PPP1R12A: variants seen among roughly 807,000 people sequenced by gnomAD.
PPP1R12A encodes the protein protein phosphatase 1 regulatory subunit 12A.
A neutral mutation model predicts 139.6 loss-of-function variants in PPP1R12A; 19 were observed. The ratio of observed to expected loss-of-function variants is 0.14; its 90% CI spans 0.09 to 0.20. The LOEUF (loss-of-function observed/expected upper bound fraction) is 0.20, where lower values mean the gene tolerates loss of function less well. Ranked by LOEUF, PPP1R12A falls within the 10% of genes least tolerant of loss-of-function variation. PPP1R12A has a pLI of 1.00. For missense variants in PPP1R12A, 925 were observed against 1,211.5 expected (o/e 0.76, Z 3.51); for synonymous variants, 427 against 420.6 (o/e 1.02, Z -0.19).
chr12:79,845,696 C>T (rs1163888799), intron 2 of PPP1R12A, among the ~76,000 whole-genome samples: 2 of 151,754 alleles, frequency 1.3e-5, no homozygotes, highest in African/African-American at 2.4e-5. Context: ...ATTAGCCGGG[C>T]GTGGTGGTGG....
At chr12:79,809,210 A>T (rs1319497394) in intron 10 of PPP1R12A, among the ~76,000 whole-genome samples, 1 of 152,132 alleles carries the variant, frequency 6.6e-6, no homozygotes, top group East Asian at 1.9e-4. Flanking sequence ...AACATTTCTA[A>T]GTATAGAAAG....
chr12:79,815,504 G>C (rs929174794), intron 9 of PPP1R12A, among the ~76,000 whole-genome samples: 5 of 149,334 alleles, frequency 3.3e-5, no homozygotes, highest in African/African-American at 1.2e-4. Context: ...CTGGGTGACA[G>C]AGCAAGACTG....
chr12:79,886,951 TAGTA>T (rs1884160886), intron 1 of PPP1R12A, among the ~76,000 whole-genome samples: 1 of 152,102 alleles, frequency 6.6e-6, no homozygotes, highest in Non-Finnish European at 1.5e-5. Flanking sequence ...TTTGGGGACT[TAGTA>T]AGGGCACAGA....
chr12:79,874,807 A>C (rs1046658332), intron 1 of PPP1R12A, among the ~76,000 whole-genome samples: 3 of 152,118 alleles, frequency 2.0e-5, no homozygotes, highest in Admixed American at 6.5e-5. Flanking sequence ...ACTCCAAGGT[A>C]CTCATTGTTC....
At chr12:79,818,280 G>A (rs1875651208) in intron 8 of PPP1R12A, among the ~76,000 whole-genome samples, 1 of 152,052 alleles carries the variant, frequency 6.6e-6, no homozygotes. Flanking sequence ...GTCTTGTTCT[G>A]TTGCCCAGGT....
chr12:79,841,283 CCTTT>C (rs1878678350), intron 3 of PPP1R12A, among the ~76,000 whole-genome samples: 1 of 152,150 alleles, frequency 6.6e-6, no homozygotes, highest in Non-Finnish European at 1.5e-5. Flanking sequence ...TCCACCAGTT[CCTTT>C]CTTTGCCAAG....
Position 79,861,394 on chromosome 12 carries a change from G to A in PPP1R12A, c.368+11414C>T, listed in dbSNP as rs570495499. ...CTGGTCTGCAGCTCCCAGCAAGATC[G>A]ATGCAGAAGACGGGTGATTTCTGCA... On this transcript the variant is annotated intron_variant, in intron 2 of 24. Coordinates refer to ENST00000450142, the MANE Select transcript of PPP1R12A (RefSeq NM_002480.3). Among the ~76,000 whole-genome samples, 44 of 152,292 alleles carry A rather than the reference G, an allele frequency of 2.9e-4. No individual in the cohort carries two copies. The South Asian group carries it at 7.7e-3, about 27-fold the overall frequency.
intron 1 of PPP1R12A, among the ~76,000 whole-genome samples, chr12:79,905,778 T>C (rs905235233): frequency 6.6e-6 from 1 of 152,212 alleles, no homozygotes; most frequent in Non-Finnish European, 1.5e-5. Flanking sequence ...CAAACTAACA[T>C]GCATTTTTAA....
chr12:79,932,212 T>C (rs999597271), intron 1 of PPP1R12A, among the ~76,000 whole-genome samples: 1 of 152,248 alleles, frequency 6.6e-6, no homozygotes, highest in East Asian at 1.9e-4. Context: ...TCAGTGATTT[T>C]AGTTTTTACA....
At chr12:79,826,668 A>G (rs889436346) in intron 5 of PPP1R12A, among the ~76,000 whole-genome samples, 5 of 152,230 alleles carry the variant, frequency 3.3e-5, no homozygotes, top group African/African-American at 1.2e-4. Context: ...TAGCAAAATT[A>G]TGATAAATTG....
In PPP1R12A at chr12:79,882,905, G is replaced by A. The variant is rs184169664; in HGVS notation, c.238-9967C>T. Among the ~76,000 whole-genome samples, 35 of 152,244 alleles carry A rather than the reference G, an allele frequency of 2.3e-4. No homozygotes were observed. The East Asian group carries it at 5.8e-3, about 25-fold the overall frequency. On this transcript the variant is annotated intron_variant, in intron 1 of 24. Transcript: ENST00000450142. The stretch of plus-strand genomic sequence containing the variant: ...TGTAATCCTAGCACTTTGGGAGGCC[G>A]AGGCGGGAGGATCATGAGGTCAGGA...
intron 14 of PPP1R12A, among the ~76,000 whole-genome samples, chr12:79,802,696 G>A (rs923483204): frequency 2.0e-5 from 3 of 152,026 alleles, no homozygotes; most frequent in Non-Finnish European, 2.9e-5. Context: ...TGAGAGGATC[G>A]CTTGAGCCCA....
chr12:79,834,972 T>A lies in PPP1R12A; in HGVS notation c.488-2481A>T, dbSNP rs866943162. Among the ~76,000 whole-genome samples the A allele has an allele frequency of 6.6e-5, 10 of 152,286 alleles. No individual in the cohort carries two copies. In the South Asian group the frequency reaches 1.0e-3, roughly 16 times the overall value. ...GATTCCTAGATGGCTGGTGAAGCAC[T>A]GTCCCTGGGTGCAGTTGAGGGTGTT... is the stretch of plus-strand genomic sequence containing the variant. On this transcript the variant is annotated intron_variant, in intron 3 of 24. Coordinates refer to ENST00000450142, the MANE Select transcript of PPP1R12A (RefSeq NM_002480.3).
At chr12:79,892,029 T>C (rs553802769) in intron 1 of PPP1R12A, among the ~76,000 whole-genome samples, 6 of 152,244 alleles carry the variant, frequency 3.9e-5, no homozygotes, top group Non-Finnish European at 7.3e-5. Context: ...TTTGGTATTT[T>C]AAGTTTGGGG....
chr12:79,922,271 C>CA lies in PPP1R12A; in HGVS notation c.237+12423dup, dbSNP rs1009356714. The stretch of plus-strand genomic sequence containing the variant: ...AGCAAGACCCCATCTCAAAACAAAA[C>CA]AAAAAAAACAATAAATAAAACAAAA... On this transcript the variant is annotated intron_variant, in intron 1 of 24. Transcript: ENST00000450142. Among the ~76,000 whole-genome samples, 30 of 151,442 alleles carry CA rather than the reference C, an allele frequency of 2.0e-4. 1 individual carries two copies. Among genetic ancestry groups the CA allele is most frequent in the African/African-American group, 3.6e-4 (15 of 41,264 alleles).
intron 14 of PPP1R12A, among the ~76,000 whole-genome samples, chr12:79,803,983 C>T (rs1873511273): frequency 6.6e-6 from 1 of 152,140 alleles, no homozygotes; most frequent in East Asian, 1.9e-4. Flanking sequence ...GGTTTTGTCA[C>T]TGGAGAAATT....
chr12:79,928,810 C>T (rs1338372893), intron 1 of PPP1R12A, among the ~76,000 whole-genome samples: 5 of 152,108 alleles, frequency 3.3e-5, no homozygotes, highest in Admixed American at 1.3e-4. Flanking sequence ...CCTTTACTGA[C>T]GAGAGGATCA....
intron 1 of PPP1R12A, among the ~76,000 whole-genome samples, chr12:79,903,224 G>A (rs186027841): frequency 4.6e-5 from 7 of 152,120 alleles, no homozygotes; most frequent in East Asian, 1.9e-4. Flanking sequence ...AGGCCGAGGC[G>A]GGTGGATCAC....
At chr12:79,835,543 T>C (rs935466598) in intron 3 of PPP1R12A, among the ~76,000 whole-genome samples, 1 of 152,194 alleles carries the variant, frequency 6.6e-6, no homozygotes, top group Non-Finnish European at 1.5e-5. Flanking sequence ...TGCTAGTTCA[T>C]AGCTTATGTC....
Sources: allele counts gnomAD v4.1 joint callset (sites outside exome capture counted in the v4.1 genomes callset), GRCh38; gene constraint gnomAD v4.1.1; transcripts MANE v1.5; gene names NCBI Gene and HGNC (gene_info 2026-07-23, HGNC 2026-07-21).